Variants in GRIP1 observed in about 807,000 individuals in gnomAD.
GRIP1 encodes the protein glutamate receptor-interacting protein 1.
GRIP1 carries 45 observed loss-of-function variants against 129.9 expected under a neutral mutation model. That is an observed-to-expected ratio of 0.35 (90% CI 0.27 to 0.44). The LOEUF is 0.44. GRIP1 is among the 20% of genes least tolerant of loss of function. The pLI, the probability that GRIP1 is intolerant of heterozygous loss-of-function variation, is 1.00. For missense variants in GRIP1, 1,196 were observed against 1,396.8 expected, an observed-to-expected ratio of 0.86 and a Z score of 2.29; for synonymous variants, 530 against 520.8, an observed-to-expected ratio of 1.02 and a Z score of -0.24.
At chr12:67,064,815 A>C (rs1003974193) in intron 1 of GRIP1, among the ~76,000 whole-genome samples, 1 of 148,292 alleles carries the variant, frequency 6.7e-6, no homozygotes, top group Non-Finnish European at 1.5e-5. Flanking sequence ...GGTTAGTTAC[A>C]TATGTATACA....
chr12:66,473,530 G>A (rs192491767), intron 7 of GRIP1, among the ~76,000 whole-genome samples: 41 of 152,344 alleles, frequency 2.7e-4, no homozygotes, highest in African/African-American at 9.4e-4. Flanking sequence ...AGTGCTTCCT[G>A]ACTGGGAGAC....
In GRIP1 at chr12:66,899,371, T is replaced by A. The variant is rs79529386; in HGVS notation, c.58+169679A>T. 8.1e-3 allele frequency among the ~76,000 whole-genome samples: 1,163 copies of A among 144,288 alleles called. 9 individuals are homozygous for A. Among genetic ancestry groups the A allele is most frequent in the East Asian group, 0.019 (95 of 5,082 alleles). The allele number at this position is 144,288 out of a possible 152,430, so 94.7% of individuals were successfully genotyped here. A position where few individuals can be genotyped will look rare whatever the true frequency, so the allele number is the denominator to read the frequency against. On this transcript the variant is annotated intron_variant, in intron 1 of 1. Transcript: ENST00000643019. ...TGTTCCTGTCCCATGTGAAAAAAAATTTTTTTTTTTGAGTCAGGGTCCTGC... is the reference window on the plus strand; with the variant it reads ...TGTTCCTGTCCCATGTGAAAAAAAAATTTTTTTTTTGAGTCAGGGTCCTGC...
intron 1 of GRIP1, among the ~76,000 whole-genome samples, chr12:66,872,287 C>T (rs1451092362): frequency 6.6e-6 from 1 of 152,016 alleles, no homozygotes; most frequent in Non-Finnish European, 1.5e-5. Context: ...CAATCAGGGA[C>T]AGTCAGTACA....
At chr12:66,532,451 C>T (rs1054879105) in intron 4 of GRIP1, among the ~76,000 whole-genome samples, 2 of 152,158 alleles carry the variant, frequency 1.3e-5, no homozygotes, top group African/African-American at 4.8e-5. Context: ...TACTTCTACA[C>T]AGTTATTTTC....
At chr12:66,537,062 T>A (rs937600847) in intron 4 of GRIP1, among the ~76,000 whole-genome samples, 1 of 152,058 alleles carries the variant, frequency 6.6e-6, no homozygotes, top group Non-Finnish European at 1.5e-5. Context: ...AGATATTGAA[T>A]CCAGGCTTTG....
At chr12:66,716,032 T>C (rs1384511702) in intron 1 of GRIP1, among the ~76,000 whole-genome samples, 1 of 152,030 alleles carries the variant, frequency 6.6e-6, no homozygotes, top group Admixed American at 6.6e-5. Context: ...GGTGATATAT[T>C]TAGGATAACA....
chr12:67,017,607 G>T lies in GRIP1; in HGVS notation c.58+51443C>A, dbSNP rs562125805. On this transcript the variant is annotated intron_variant, in intron 1 of 1. Coordinates refer to the GRIP1 transcript ENST00000643019. The stretch of plus-strand genomic sequence containing the variant: ...TCAAAAGGCGGACTCTCTTTCCCTT[G>T]TATCTGGGCTGGCCCTGTAATTTGT... Among the ~76,000 whole-genome samples, 110 of 152,240 alleles carry T rather than the reference G, an allele frequency of 7.2e-4. No individual in the cohort carries two copies. The Middle Eastern group carries it at 0.01, about 14-fold the overall frequency.
intron 1 of GRIP1, among the ~76,000 whole-genome samples, chr12:66,880,228 G>A (rs528743697): frequency 6.6e-6 from 1 of 152,118 alleles, no homozygotes. Flanking sequence ...ACAAAGGAAG[G>A]AGCAGATGGA....
At chr12:66,906,366 C>T (rs1037636220) in intron 1 of GRIP1, among the ~76,000 whole-genome samples, 32 of 152,050 alleles carry the variant, frequency 2.1e-4, no homozygotes, top group Admixed American at 1.6e-3. Flanking sequence ...CCCAGGAAGT[C>T]GAAGCTGAAG....
intron 1 of GRIP1, among the ~76,000 whole-genome samples, chr12:66,816,468 C>T (rs943455656): frequency 1.3e-5 from 2 of 152,166 alleles, no homozygotes; most frequent in African/African-American, 2.4e-5. Flanking sequence ...CTTCTCACAA[C>T]AACCTAGTAA....
intron 1 of GRIP1, among the ~76,000 whole-genome samples, chr12:67,037,026 C>T (rs1302256404): frequency 6.6e-6 from 1 of 152,108 alleles, no homozygotes; most frequent in African/African-American, 2.4e-5. Flanking sequence ...CACCAATGAT[C>T]TCTGAATAAA....
At chr12:66,634,952 A>T (rs920893512) in intron 1 of GRIP1, among the ~76,000 whole-genome samples, 1 of 152,228 alleles carries the variant, frequency 6.6e-6, no homozygotes, top group Non-Finnish European at 1.5e-5. Flanking sequence ...GCATCTAGAC[A>T]ACCTGGCATC....
At chr12:66,970,863 G>A (rs1187744025) in intron 1 of GRIP1, among the ~76,000 whole-genome samples, 1 of 152,126 alleles carries the variant, frequency 6.6e-6, no homozygotes, top group African/African-American at 2.4e-5. Flanking sequence ...CCCCAGATGG[G>A]ATAAGACTCT....
chr12:67,011,761 T>C (rs948263130), intron 1 of GRIP1, among the ~76,000 whole-genome samples: 1 of 152,134 alleles, frequency 6.6e-6, no homozygotes, highest in Non-Finnish European at 1.5e-5. Flanking sequence ...ATTCACATAT[T>C]TGAGAATTTA....
At chr12:66,569,672 C>T (rs1337975641) in intron 2 of GRIP1, among the ~76,000 whole-genome samples, 1 of 152,112 alleles carries the variant, frequency 6.6e-6, no homozygotes, top group Non-Finnish European at 1.5e-5. Context: ...TCAGGGTGTA[C>T]TCACTCCACA....
At chr12:66,494,196 G>T (rs2060176788) in intron 7 of GRIP1, among the ~76,000 whole-genome samples, 1 of 152,004 alleles carries the variant, frequency 6.6e-6, no homozygotes, top group Non-Finnish European at 1.5e-5. Flanking sequence ...ATTTTCCTTT[G>T]GGTAAGGCTC....
chr12:66,805,964 TTTC>T (rs1222232167), upstream of GRIP1, among the ~76,000 whole-genome samples: 2 of 122,942 alleles, frequency 1.6e-5, no homozygotes, highest in Non-Finnish European at 3.8e-5. Context: ...TGTCCTTAGG[TTTC>T]TTTTTTTTTT....
intron 7 of GRIP1, among the ~76,000 whole-genome samples, chr12:66,496,867 AAGAGAG>A (rs79932282): frequency 6.6e-6 from 1 of 151,648 alleles, no homozygotes; most frequent in East Asian, 1.9e-4. Context: ...AAAGAAAAGA[AAGAGAG>A]AGGATAGGAG....
chr12:67,013,443 C>T (rs2042738551), intron 1 of GRIP1, among the ~76,000 whole-genome samples: 1 of 152,072 alleles, frequency 6.6e-6, no homozygotes, highest in African/African-American at 2.4e-5. Context: ...TGGCCAAATC[C>T]TTCTTAATTA....
Sources: gnomAD v4.1 joint callset for allele counts (sites outside exome capture counted in the v4.1 genomes callset) on GRCh38, gnomAD v4.1.1 for gene constraint, MANE v1.5 for transcripts, NCBI Gene and HGNC (gene_info 2026-07-23, HGNC 2026-07-21) for gene names.